The following CPED1 variants were observed in gnomAD, a reference collection of about 807,000 sequenced individuals.
CPED1 encodes cadherin-like and PC-esterase domain-containing protein 1.
In CPED1, 114 loss-of-function variants were observed where a neutral mutation model predicts 128.2. The observed-to-expected ratio is 0.89, with a 90% CI of 0.76 to 1.04. The LOEUF is 1.04. Ranked by LOEUF, CPED1 falls within the 50% of genes least tolerant of loss-of-function variation. The probability of loss-of-function intolerance (pLI) is 0.00; values close to 1 mark genes in which losing one functional copy is unlikely to be tolerated. For synonymous variants in CPED1, 462 were observed against 426.7 expected (o/e 1.08, Z -1.02); for missense variants, 1,211 against 1,207.1 (o/e 1.00, Z -0.05).
At chr7:121,013,323 A>G (rs1281574053) in intron 2 of CPED1, among the ~76,000 whole-genome samples, 2 of 152,212 alleles carry the variant, frequency 1.3e-5, no homozygotes, top group African/African-American at 2.4e-5. Flanking sequence ...TTTTCTCATC[A>G]ATAAAGCACA....
At chr7:121,076,418 G>T (rs1794126687) in intron 5 of CPED1, among the ~76,000 whole-genome samples, 1 of 152,144 alleles carries the variant, frequency 6.6e-6, no homozygotes, top group South Asian at 2.1e-4. Flanking sequence ...CAATTTCTGG[G>T]TGGTTACCAT....
chr7:121,130,050 A>C, intron 11 of CPED1, 75 bp from the exon 12 acceptor site: 1 of 1,097,680 alleles, frequency 9.1e-7, no homozygotes, highest in Non-Finnish European at 1.3e-6. Context: ...TAAATGACTA[A>C]GTATAAGGCT....
chr7:121,267,276 G>C lies in CPED1; in HGVS notation c.2695G>C (p.Val899Leu). Residue 899 changes from valine to leucine, a missense_variant, in exon 21 of 23, where the codon GTG becomes CTG. Coordinates refer to ENST00000310396, the MANE Select transcript of CPED1 (RefSeq NM_024913.5). ...KTLGIGFHLP[V>L]DGVHFLTQSE... ...TTTGGGAATTGGATTTCATCTGCCA[G>C]TGGATGGAGTACATTTCTTAACACA... 4 of 1,594,608 alleles carry C rather than the reference G, an allele frequency of 2.5e-6. No homozygotes were observed.
intron 16 of CPED1, among the ~76,000 whole-genome samples, chr7:121,172,269 G>T (rs1471971231): frequency 6.6e-6 from 1 of 152,108 alleles, no homozygotes; most frequent in Non-Finnish European, 1.5e-5. Context: ...ACAGATAAAT[G>T]ATGATTTTTC....
chr7:121,271,499 G>T, intron 22 of CPED1, 69 bp downstream of exon 22: 4 of 1,427,320 alleles, frequency 2.8e-6, no homozygotes, highest in Non-Finnish European at 3.9e-6. Flanking sequence ...ATCTTTAATT[G>T]TATTGTCAGT....
intron 7 of CPED1, among the ~76,000 whole-genome samples, chr7:121,116,453 C>T (rs1428283180): frequency 6.6e-6 from 1 of 151,958 alleles, no homozygotes; most frequent in Non-Finnish European, 1.5e-5. Flanking sequence ...TTGATCTAGG[C>T]AATTTGATTT....
chr7:121,118,209 G>C (rs527807321), intron 7 of CPED1, among the ~76,000 whole-genome samples: 1 of 152,218 alleles, frequency 6.6e-6, no homozygotes, highest in Admixed American at 6.5e-5. Context: ...TACTGATGCT[G>C]AACTCTTCTT....
At chr7:121,216,044 G>A (rs1426017496) in intron 16 of CPED1, among the ~76,000 whole-genome samples, 1 of 151,982 alleles carries the variant, frequency 6.6e-6, no homozygotes, top group African/African-American at 2.4e-5. Context: ...GCATAGCCTT[G>A]GCTCAGATTT....
chr7:121,061,570 G>A (rs1793674694), intron 4 of CPED1, among the ~76,000 whole-genome samples: 1 of 152,090 alleles, frequency 6.6e-6, no homozygotes, highest in African/African-American at 2.4e-5. Flanking sequence ...GGGAGTATAT[G>A]GGAAATCTCT....
chr7:121,100,126 T>C (rs2116224850), intron 7 of CPED1, 32 bp downstream of exon 7: 1 of 1,604,620 alleles, frequency 6.2e-7, no homozygotes, highest in East Asian at 2.2e-5. Context: ...TTATTTCACG[T>C]AAGTACACTG....
chr7:121,104,210 A>G (rs1226281840), intron 7 of CPED1, among the ~76,000 whole-genome samples: 1 of 152,138 alleles, frequency 6.6e-6, no homozygotes, highest in African/African-American at 2.4e-5. Flanking sequence ...TTTAAGAAAT[A>G]TTTTATTTTA....
intron 5 of CPED1, among the ~76,000 whole-genome samples, chr7:121,093,397 T>TACACACACACACACACACACAC (rs10526224): frequency 5.8e-4 from 85 of 145,564 alleles, no homozygotes; most frequent in African/African-American, 2.1e-3. Context: ...CCTTTTTCTG[T>TACACACACACACACACACACAC]ACACACACAC....
chr7:121,024,312 C>T (rs1792514226), intron 3 of CPED1, among the ~76,000 whole-genome samples: 1 of 152,012 alleles, frequency 6.6e-6, no homozygotes, highest in Non-Finnish European at 1.5e-5. Context: ...AGTGACCTCC[C>T]CATTCTGATG....
At chr7:121,281,099 A>T (rs893294103) in intron 22 of CPED1, among the ~76,000 whole-genome samples, 2 of 152,150 alleles carry the variant, frequency 1.3e-5, no homozygotes, top group Non-Finnish European at 2.9e-5. Context: ...TTTCTATTTT[A>T]TTCTGTGGAT....
At chr7:121,273,386 G>A (rs1763092138) in intron 22 of CPED1, among the ~76,000 whole-genome samples, 1 of 152,070 alleles carries the variant, frequency 6.6e-6, no homozygotes, top group South Asian at 2.1e-4. Context: ...GCCAGGTGTG[G>A]TGGTGTGTGC....
At chr7:121,115,276 AG>A (rs1323434074) in intron 7 of CPED1, among the ~76,000 whole-genome samples, 3 of 152,212 alleles carry the variant, frequency 2.0e-5, no homozygotes, top group Non-Finnish European at 4.4e-5. Flanking sequence ...CCCATGTAAA[AG>A]AATGAAATAT....
intron 18 of CPED1, among the ~76,000 whole-genome samples, chr7:121,244,826 T>C (rs568252830): frequency 6.6e-6 from 1 of 152,332 alleles, no homozygotes; most frequent in African/African-American, 2.4e-5. Context: ...TGATCTTCTT[T>C]CATATTCCTG....
chr7:121,223,181 G>T (rs1187637327), intron 16 of CPED1, among the ~76,000 whole-genome samples: 1 of 152,088 alleles, frequency 6.6e-6, no homozygotes, highest in East Asian at 1.9e-4. Flanking sequence ...GTTGAATTTT[G>T]TCAAAGGCCT....
chr7:121,286,643 T>G (rs2116781714), intron 22 of CPED1, among the ~76,000 whole-genome samples: 1 of 152,316 alleles, frequency 6.6e-6, no homozygotes, highest in East Asian at 1.9e-4. Flanking sequence ...ATTACAGATG[T>G]GCTCAAGAAG....
Sources: allele counts gnomAD v4.1 joint callset (sites outside exome capture counted in the v4.1 genomes callset), GRCh38; gene constraint gnomAD v4.1.1; transcripts MANE v1.5; gene names NCBI Gene and HGNC (gene_info 2026-07-23, HGNC 2026-07-21).